Variants in E2F5 observed in about 807,000 individuals in gnomAD.
E2F5 encodes the protein transcription factor E2F5.
E2F5 carries 23 observed loss-of-function variants against 39.1 expected under a neutral mutation model. That is an observed-to-expected ratio of 0.59 (90% CI 0.42 to 0.83). The LOEUF is 0.83. E2F5 is among the 40% of genes least tolerant of loss of function. The pLI is 0.00. For missense variants in E2F5, 365 were observed against 406.7 expected, an observed-to-expected ratio of 0.90 and a Z score of 0.88; for synonymous variants, 145 against 157.8, an observed-to-expected ratio of 0.92 and a Z score of 0.61.
Position 85,194,160 on chromosome 8 carries a change from A to AAAT in E2F5, c.235-7986_235-7985insATA, listed in dbSNP as rs1396431290. The stretch of plus-strand genomic sequence containing the variant: ...TTTCTTCTATATATGTAACATTTAT[A>AAAT]AGTTCCCATGAAGGAAATTTTTGAC... On this transcript the variant is annotated intron_variant, in intron 1 of 7. Coordinates refer to ENST00000416274, the MANE Select transcript of E2F5 (RefSeq NM_001951.4). Among the ~76,000 whole-genome samples the AAAT allele has an allele frequency of 3.3e-5, 5 of 152,140 alleles. No homozygotes were observed. In the East Asian group the frequency reaches 9.6e-4, roughly 29 times the overall value.
At chr8:85,193,751 A>G (rs1245152699) in intron 1 of E2F5, among the ~76,000 whole-genome samples, 3 of 152,174 alleles carry the variant, frequency 2.0e-5, no homozygotes, top group African/African-American at 7.2e-5. Context: ...CTCTGTGCTT[A>G]GCTTCTTTCA....
In E2F5 at chr8:85,177,402, A is replaced by G. The variant is rs1190281741; in HGVS notation, c.-19A>G. On this transcript the variant is annotated 5_prime_UTR_variant, in exon 1 of 8. Transcript: ENST00000416274. ...AGCGAAAGTGCGCGGGGGCCCGACC[A>G]CCGCGGGGCCGGGACGCGATGGCGG... The G allele has an allele frequency of 1.0e-6, 1 of 987,286 alleles. No homozygotes were observed. The highest frequency in any genetic ancestry group is 1.8e-5 in the African/African-American group (1 of 56,904). The allele number at this position is 987,286 out of a possible 1,614,324, so 61.2% of individuals were successfully genotyped here.
At chr8:85,179,801 A>C (rs1812160308) in intron 1 of E2F5, among the ~76,000 whole-genome samples, 1 of 151,646 alleles carries the variant, frequency 6.6e-6, no homozygotes, top group Non-Finnish European at 1.5e-5. Flanking sequence ...CTCGGACTAC[A>C]GGCGCCCGCC....
chr8:85,203,382 A>T (rs1352808888), intron 3 of E2F5, 127 bp downstream of exon 3: 18 of 661,676 alleles, frequency 2.7e-5, no homozygotes, highest in Non-Finnish European at 3.9e-5. Flanking sequence ...ATGACATTTT[A>T]ATTTTATTAT....
chr8:85,188,243 T>A (rs1308959099), intron 1 of E2F5, among the ~76,000 whole-genome samples: 1 of 152,170 alleles, frequency 6.6e-6, no homozygotes, highest in Admixed American at 6.5e-5. Flanking sequence ...AAATTGCTTA[T>A]ATCTTTAGTC....
chr8:85,207,452 C>T lies in E2F5; in HGVS notation c.578C>T (p.Pro193Leu). The T allele has an allele frequency of 1.3e-6, 2 of 1,561,694 alleles. No individual in the cohort carries two copies. The highest frequency in any genetic ancestry group is 1.7e-6 in the Non-Finnish European group (2 of 1,151,730). ...GATACACTTTTGGCCATTCAGGCAC[C>T]TTCTGGTACACAACTGGAGGTACCC... ...NGDTLLAIQA[P>L]SGTQLEVPIP... is the part of the protein sequence containing the mutation. Residue 193 changes from proline to leucine, a missense_variant, in exon 5 of 8, where the codon CCT becomes CTT. Transcript: ENST00000416274.
chr8:85,181,186 C>A (rs1812205233), intron 1 of E2F5, among the ~76,000 whole-genome samples: 1 of 152,106 alleles, frequency 6.6e-6, no homozygotes, highest in Non-Finnish European at 1.5e-5. Flanking sequence ...TTGAATATCC[C>A]AAAGAATAAA....
chr8:85,200,002 T>C (rs1812658844), intron 1 of E2F5, among the ~76,000 whole-genome samples: 1 of 152,152 alleles, frequency 6.6e-6, no homozygotes, highest in South Asian at 2.1e-4. Flanking sequence ...ATCTCAGCAC[T>C]TTGGGAGGTC....
rs1022176021 is a variant in E2F5, at chr8:85,214,262, T to C, written c.*400T>C. 7.1e-6 allele frequency: 4 copies of C among 562,540 alleles called. No homozygotes were observed. Among genetic ancestry groups the C allele is most frequent in the East Asian group, 8.2e-5 (2 of 24,520 alleles). 34.8% of individuals were successfully genotyped at this position (562,540 alleles called of 1,614,324 possible). On this transcript the variant is annotated 3_prime_UTR_variant, in exon 8 of 8. Transcript: ENST00000416274. ...CCACTAAACTGCCTGTATTTCTGTATGTCCTTCTATCCAAACAGACGTTCA... is the reference window on the plus strand; with the variant it reads ...CCACTAAACTGCCTGTATTTCTGTACGTCCTTCTATCCAAACAGACGTTCA...
intron 6 of E2F5, among the ~76,000 whole-genome samples, chr8:85,211,778 T>C (rs898752856): frequency 2.7e-5 from 4 of 148,598 alleles, no homozygotes; most frequent in African/African-American, 7.4e-5. Context: ...GTTGGGACTA[T>C]AGGCACGTGC....
chr8:85,185,048 T>A (rs932231982), intron 1 of E2F5, among the ~76,000 whole-genome samples: 4 of 152,344 alleles, frequency 2.6e-5, no homozygotes, highest in Non-Finnish European at 5.9e-5. Context: ...AGAGCCTGCA[T>A]AGCCAAGACA....
At chr8:85,182,717 A>G (rs1023541395) in intron 1 of E2F5, among the ~76,000 whole-genome samples, 1 of 152,234 alleles carries the variant, frequency 6.6e-6, no homozygotes, top group Non-Finnish European at 1.5e-5. Flanking sequence ...GAAAATTCCT[A>G]TTAAATGTAA....
At chr8:85,200,392 G>T in intron 1 of E2F5, 1 of 662,018 alleles carries the variant, frequency 1.5e-6, no homozygotes, top group Non-Finnish European at 1.9e-6. Context: ...TTAGAAACTA[G>T]GGGTTAAATG....
chr8:85,177,716 G>A (rs1812116173), intron 1 of E2F5, 62 bp downstream of exon 1: 3 of 1,191,718 alleles, frequency 2.5e-6, no homozygotes, highest in Non-Finnish European at 3.1e-6. Context: ...GGGAAGCCCA[G>A]CCCCTCGCCG....
intron 3 of E2F5, among the ~76,000 whole-genome samples, chr8:85,205,574 T>C (rs935582532): frequency 3.9e-5 from 6 of 152,224 alleles, no homozygotes; most frequent in Middle Eastern, 6.8e-3. Flanking sequence ...TGAGCCACCA[T>C]GCCCAGCCAC....
At chr8:85,186,188 G>A (rs567644416) in intron 1 of E2F5, among the ~76,000 whole-genome samples, 1 of 152,116 alleles carries the variant, frequency 6.6e-6, no homozygotes. Flanking sequence ...CGTAAGAAAG[G>A]ATGAGTTCAT....
chr8:85,205,537 C>T (rs1033174627), intron 3 of E2F5, among the ~76,000 whole-genome samples: 3 of 152,034 alleles, frequency 2.0e-5, no homozygotes, highest in Non-Finnish European at 2.9e-5. Context: ...ATCCACCTGC[C>T]TCGGCCTCCC....
At chr8:85,183,184 G>A (rs948719348) in intron 1 of E2F5, among the ~76,000 whole-genome samples, 1 of 152,126 alleles carries the variant, frequency 6.6e-6, no homozygotes, top group East Asian at 1.9e-4. Flanking sequence ...CCCGGGAGGC[G>A]GAGCTTGCAG....
chr8:85,177,591 G>A lies in E2F5; in HGVS notation c.171G>A (p.Leu57=). The part of the protein sequence containing the change: ...GSSRHEKSLG[L]LTTKFVSLLQ... ...GCAGGCACGAGAAGAGCCTGGGGCTGCTCACTACCAAGTTCGTGTCGCTGC... is the reference window on the plus strand; with the variant it reads ...GCAGGCACGAGAAGAGCCTGGGGCTACTCACTACCAAGTTCGTGTCGCTGC... The change falls in exon 1 of 8, where the codon CTG becomes CTA. Residue 57 remains leucine, a synonymous_variant. Coordinates refer to ENST00000416274, the MANE Select transcript of E2F5 (RefSeq NM_001951.4). 7.7e-7 allele frequency: 1 copy of A among 1,293,918 alleles called. No individual in the cohort carries two copies. Among genetic ancestry groups the A allele is most frequent in the Non-Finnish European group, 9.8e-7 (1 of 1,016,730 alleles). The allele number at this position is 1,293,918 out of a possible 1,614,324, so 80.2% of individuals were successfully genotyped here.
Sources: allele counts gnomAD v4.1 joint callset (sites outside exome capture counted in the v4.1 genomes callset), GRCh38; gene constraint gnomAD v4.1.1; transcripts MANE v1.5; gene names NCBI Gene and HGNC (gene_info 2026-07-23, HGNC 2026-07-21).